CCDC146: variants seen among roughly 807,000 people sequenced by gnomAD.
CCDC146 encodes coiled-coil domain containing 146, also known as coiled-coil domain-containing protein 146.
Under a neutral mutation model 119.3 loss-of-function variants are expected in CCDC146, and 92 were observed. The ratio of observed to expected loss-of-function variants is 0.77; its 90% CI spans 0.65 to 0.92. The LOEUF is 0.92. Among genes scored for constraint, CCDC146 ranks in the 40% least tolerant of loss-of-function variants. The probability of loss-of-function intolerance (pLI) is 0.00; values close to 1 mark genes in which losing one functional copy is unlikely to be tolerated. For synonymous variants in CCDC146, 372 were observed against 371.8 expected, an observed-to-expected ratio of 1.00 and a Z score of -0.01; for missense variants, 1,000 against 1,103.0, an observed-to-expected ratio of 0.91 and a Z score of 1.32.
chr7:77,172,986 A>C (rs1207747789), intron 2 of CCDC146, among the ~76,000 whole-genome samples: 1 of 151,890 alleles, frequency 6.6e-6, no homozygotes, highest in African/African-American at 2.4e-5. Flanking sequence ...TTCCCACATC[A>C]CTTGACTAAT....
At chr7:77,191,557 A>G (rs1276102606) in intron 2 of CCDC146, among the ~76,000 whole-genome samples, 1 of 152,224 alleles carries the variant, frequency 6.6e-6, no homozygotes, top group Admixed American at 6.5e-5. Context: ...ATGGCATAAG[A>G]TCTAGGAGAG....
In CCDC146 at chr7:77,196,575, C is replaced by A. The variant is rs1205279053; in HGVS notation, c.156+28751C>A. On this transcript the variant is annotated intron_variant, in intron 2 of 18. Transcript: ENST00000285871. This position sits in a 1 kb window ranked among gnomAD's most constrained non-coding sequence, Gnocchi z 4.2. ...TTGTAATGTTTGTTGAAACGTAATG[C>A]ATCTCCAGCTGTGCCATTATAGTTA... 6.2e-7 allele frequency: 1 copy of A among 1,614,124 alleles called. No homozygotes were observed. Among genetic ancestry groups the A allele is most frequent in the Admixed American group, 1.7e-5 (1 of 60,026 alleles).
At chr7:77,240,251 C>T (rs1792818214) in intron 3 of CCDC146, among the ~76,000 whole-genome samples, 1 of 152,218 alleles carries the variant, frequency 6.6e-6, no homozygotes, top group Admixed American at 6.5e-5. Context: ...GTGATCCTTT[C>T]TCTGTTGTCT....
chr7:77,196,207 CA>C lies in CCDC146; in HGVS notation c.156+28384del. ...TAGCTATGAAAAATATGAAACAAGG[CA>C]TATTCTAAAGTGCTGAAGGAATTAA... On this transcript the variant is annotated intron_variant, in intron 2 of 18. Coordinates refer to ENST00000285871, the MANE Select transcript of CCDC146 (RefSeq NM_020879.3). The surrounding 1 kb of genome is among the most constrained non-coding windows in gnomAD (Gnocchi z 4.2). The C allele has an allele frequency of 1.9e-6, 2 of 1,064,228 alleles. No individual in the cohort carries two copies. The highest frequency in any genetic ancestry group is 2.7e-6 in the Non-Finnish European group (2 of 734,550). 65.9% of individuals were successfully genotyped at this position (1,064,228 alleles called of 1,614,324 possible).
chr7:77,206,036 A>G (rs1792074069), intron 2 of CCDC146, among the ~76,000 whole-genome samples: 2 of 152,328 alleles, frequency 1.3e-5, no homozygotes, highest in South Asian at 4.1e-4. Context: ...AGCTGGGTAT[A>G]TATGTATTTG....
intron 3 of CCDC146, among the ~76,000 whole-genome samples, chr7:77,240,484 A>G (rs1792822327): frequency 2.0e-5 from 3 of 152,168 alleles, no homozygotes. Flanking sequence ...ATGGTATAGT[A>G]TTTGCATGTA....
Position 77,254,487 on chromosome 7 carries a change from T to C in CCDC146, c.450-19T>C. The stretch of plus-strand genomic sequence containing the variant: ...TTATTTCTTTGTACTTTTTCAAACT[T>C]GATTTTTTTTTTTTGCAGCTTAAAG... On this transcript the variant is annotated intron_variant, in intron 4 of 18. Coordinates refer to ENST00000285871, the MANE Select transcript of CCDC146 (RefSeq NM_020879.3). 1 of 1,373,722 alleles carries C rather than the reference T, an allele frequency of 7.3e-7. No individual in the cohort carries two copies. The highest frequency in any genetic ancestry group is 1.0e-6 in the Non-Finnish European group (1 of 985,680). The allele number at this position is 1,373,722 out of a possible 1,614,324, so 85.1% of individuals were successfully genotyped here.
chr7:77,203,521 G>A (rs1013913847), intron 2 of CCDC146, among the ~76,000 whole-genome samples: 5 of 152,074 alleles, frequency 3.3e-5, no homozygotes, highest in South Asian at 2.1e-4. Flanking sequence ...GTACAGGAGC[G>A]TCATGAATAC....
intron 6 of CCDC146, among the ~76,000 whole-genome samples, chr7:77,257,723 C>T (rs1292098025): frequency 6.6e-6 from 1 of 152,188 alleles, no homozygotes; most frequent in East Asian, 1.9e-4. Context: ...AACCTCCCTG[C>T]ATGTGTGTTA....
intron 9 of CCDC146, among the ~76,000 whole-genome samples, chr7:77,265,463 C>T (rs924129886): frequency 6.6e-6 from 1 of 152,054 alleles, no homozygotes; most frequent in South Asian, 2.1e-4. Flanking sequence ...AGTAAGGTAA[C>T]CTAAATAGAA....
At chr7:77,136,572 T>C (rs1341765346) in intron 1 of CCDC146, among the ~76,000 whole-genome samples, 9 of 152,184 alleles carry the variant, frequency 5.9e-5, no homozygotes. Context: ...AAAATCCATA[T>C]AAGAAGAAAT....
rs769054651 is a variant in CCDC146, at chr7:77,237,025, A to T, written c.235A>T (p.Met79Leu). Residue 79 changes from methionine (M) to leucine (L), a missense_variant, in exon 3 of 19, where the codon ATG becomes TTG. By Grantham distance (15) the Met-to-Leu change is conservative. Transcript: ENST00000285871. Reference sequence around the variant, plus strand: ...GTATACCTTGCTGCATGACGCCGTGATGAGGTATGCAATTTACCAATATGG... The same window carrying T: ...GTATACCTTGCTGCATGACGCCGTGTTGAGGTATGCAATTTACCAATATGG... ...AKYTLLHDAVMSTQESEVQLL... is the reference protein window; with the variant it reads ...AKYTLLHDAVLSTQESEVQLL... 7 of 1,613,224 alleles carry T rather than the reference A, an allele frequency of 4.3e-6. No individual in the cohort carries two copies. The highest frequency in any genetic ancestry group is 5.9e-6 in the Non-Finnish European group (7 of 1,179,112).
intron 4 of CCDC146, 77 bp downstream of exon 4, chr7:77,241,977 T>A: frequency 8.9e-7 from 1 of 1,124,470 alleles, no homozygotes. Context: ...AAGTTGGAGG[T>A]AATTGAAGGA....
intron 1 of CCDC146, among the ~76,000 whole-genome samples, chr7:77,149,916 T>C (rs890081546): frequency 6.6e-6 from 1 of 152,068 alleles, no homozygotes; most frequent in African/African-American, 2.4e-5. Flanking sequence ...ATTTGGTCAA[T>C]TGGTAATTTT....
chr7:77,273,574 G>A, intron 9 of CCDC146, 120 bp from the exon 10 acceptor site: 1 of 515,656 alleles, frequency 1.9e-6, no homozygotes, highest in South Asian at 2.4e-5. Context: ...AGGCTGGAGT[G>A]CAGTGGCACG....
intron 2 of CCDC146, among the ~76,000 whole-genome samples, chr7:77,176,692 A>G (rs1007884068): frequency 6.6e-6 from 1 of 152,208 alleles, no homozygotes; most frequent in African/African-American, 2.4e-5. Flanking sequence ...CTGTGGATTT[A>G]AAGAAAGATG....
rs557060291 is a variant in CCDC146, at chr7:77,219,454, C to A, written c.157-17493C>A. On this transcript the variant is annotated intron_variant, in intron 2 of 18. Coordinates refer to ENST00000285871, the MANE Select transcript of CCDC146 (RefSeq NM_020879.3). ...ACTGTTAATTTCTGAATATTCCCAC[C>A]CTTTTCCAAGGAAATTCCGGGATAA... 6.6e-5 allele frequency among the ~76,000 whole-genome samples: 10 copies of A among 152,202 alleles called. No homozygotes were observed. The East Asian group carries it at 1.2e-3, about 18-fold the overall frequency.
chr7:77,159,446 G>C (rs577517727), intron 1 of CCDC146, among the ~76,000 whole-genome samples: 97 of 152,084 alleles, frequency 6.4e-4, no homozygotes, highest in Admixed American at 1.2e-3. Flanking sequence ...TTCTATCCAT[G>C]ATGTTGCAAA....
rs573611772 is a variant in CCDC146 at position 77,247,780 on chromosome 7, T to C, written c.449+5880T>C. ...GTCAGAATAGCTATTATTAAAAAGA[T>C]AAAAAATAAGATGTTGGCGGAGTGC... On this transcript the variant is annotated intron_variant, in intron 4 of 18. Transcript: ENST00000285871. 2.0e-5 allele frequency among the ~76,000 whole-genome samples: 3 copies of C among 152,260 alleles called. No individual in the cohort carries two copies. In the South Asian group the frequency reaches 6.2e-4, roughly 32 times the overall value.
Sources: allele counts gnomAD v4.1 joint callset (sites outside exome capture counted in the v4.1 genomes callset), GRCh38; gene constraint gnomAD v4.1.1; non-coding constraint Gnocchi (gnomAD v3.1); transcripts MANE v1.5; gene names NCBI Gene and HGNC (gene_info 2026-07-23, HGNC 2026-07-21).